The following ARID1A variants were observed in gnomAD, a reference collection of about 807,000 sequenced individuals.
The protein encoded by ARID1A is AT-rich interactive domain-containing protein 1A.
A neutral mutation model predicts 212.6 loss-of-function variants in ARID1A; 20 were observed. The observed-to-expected ratio is 0.09, with a 90% CI of 0.07 to 0.14. The LOEUF is 0.14. ARID1A is among the 10% of genes least tolerant of loss of function. The probability of loss-of-function intolerance (pLI) is 1.00; values close to 1 mark genes in which losing one functional copy is unlikely to be tolerated. For synonymous variants in ARID1A, 1,376 were observed against 1,222.1 expected, an observed-to-expected ratio of 1.13 and a Z score of -2.63; for missense variants, 2,587 against 3,059.0, an observed-to-expected ratio of 0.85 and a Z score of 3.64.
chr1:26,706,543 C>G (rs374254595), intron 1 of ARID1A, among the ~76,000 whole-genome samples: 1 of 152,198 alleles, frequency 6.6e-6, no homozygotes, highest in Non-Finnish European at 1.5e-5. Context: ...TGTTTACTCT[C>G]AACTGCCGTG....
At chr1:26,773,215 G>A (rs2081099603) in intron 14 of ARID1A, 131 bp from the exon 15 acceptor site, 1 of 1,374,074 alleles carries the variant, frequency 7.3e-7, no homozygotes, top group Non-Finnish European at 9.9e-7. Context: ...GGCCTCTTTA[G>A]ATCTCTGTTT....
intron 19 of ARID1A, among the ~76,000 whole-genome samples, chr1:26,776,981 A>T (rs2081142236): frequency 6.6e-6 from 1 of 152,196 alleles, no homozygotes; most frequent in South Asian, 2.1e-4. Context: ...CAATTTTCAT[A>T]TGCCAGGTAT....
At chr1:26,751,382 A>G (rs905255471) in intron 4 of ARID1A, among the ~76,000 whole-genome samples, 1 of 152,174 alleles carries the variant, frequency 6.6e-6, no homozygotes, top group Non-Finnish European at 1.5e-5. Flanking sequence ...CAAGTAGCTA[A>G]TCACGCAGCA....
At chr1:26,720,759 GA>G (rs2080556145) in intron 1 of ARID1A, among the ~76,000 whole-genome samples, 1 of 151,886 alleles carries the variant, frequency 6.6e-6, no homozygotes, top group African/African-American at 2.4e-5. Context: ...AGCTACTCAG[GA>G]GGCTGAGGTG....
chr1:26,697,378 C>A lies in ARID1A; in HGVS notation c.975C>A (p.Ala325=). The A allele has an allele frequency of 7.6e-7, 1 of 1,314,178 alleles. No individual in the cohort carries two copies. Among genetic ancestry groups the A allele is most frequent in the Non-Finnish European group, 9.6e-7 (1 of 1,038,622 alleles). 81.4% of individuals were successfully genotyped at this position (1,314,178 alleles called of 1,614,324 possible). A position where few individuals can be genotyped will look rare whatever the true frequency, so the allele number is the denominator to read the frequency against. Reference sequence around the variant, plus strand: ...GTGGCGGGCCCCAGGACGGGGGCGCCGGCAAGGGCCCGGCGGACATGGCCT... The same window carrying A: ...GTGGCGGGCCCCAGGACGGGGGCGCAGGCAAGGGCCCGGCGGACATGGCCT... ...DYSGGPQDGG[A]GKGPADMASQ... is the part of the protein sequence containing the mutation. Residue 325 remains alanine (A), a synonymous_variant, in exon 1 of 20, where the codon GCC becomes GCA. Transcript: ENST00000324856.
At chr1:26,704,557 G>A (rs553106355) in intron 1 of ARID1A, among the ~76,000 whole-genome samples, 1 of 152,252 alleles carries the variant, frequency 6.6e-6, no homozygotes, top group South Asian at 2.1e-4. Flanking sequence ...TCATAGAAAT[G>A]GCCTTTAATA....
intron 1 of ARID1A, among the ~76,000 whole-genome samples, chr1:26,700,636 A>G (rs938426241): frequency 1.3e-5 from 2 of 152,264 alleles, no homozygotes; most frequent in African/African-American, 4.8e-5. Context: ...TAAATAGTCC[A>G]GGAACAAGTT....
intron 1 of ARID1A, among the ~76,000 whole-genome samples, chr1:26,700,791 G>A (rs1050169410): frequency 2.0e-5 from 3 of 152,228 alleles, no homozygotes; most frequent in African/African-American, 7.2e-5. Flanking sequence ...TGAAATACAG[G>A]ACTCTTGGAG....
At chr1:26,716,963 C>CA (rs2080508627) in intron 1 of ARID1A, among the ~76,000 whole-genome samples, 1 of 152,130 alleles carries the variant, frequency 6.6e-6, no homozygotes, top group South Asian at 2.1e-4. Flanking sequence ...TATTGCAGGA[C>CA]ATTGGCATCT....
chr1:26,754,374 T>C (rs1476661220), intron 4 of ARID1A, among the ~76,000 whole-genome samples: 1 of 152,218 alleles, frequency 6.6e-6, no homozygotes, highest in East Asian at 1.9e-4. Context: ...AATAAAAATA[T>C]TTACTATGAC....
At chr1:26,733,495 T>G (rs530954503) in intron 4 of ARID1A, among the ~76,000 whole-genome samples, 1 of 152,250 alleles carries the variant, frequency 6.6e-6, no homozygotes, top group African/African-American at 2.4e-5. Flanking sequence ...CACTGCACAT[T>G]GTAGGCACTC....
intron 1 of ARID1A, 143 bp downstream of exon 1, chr1:26,697,683 CTT>C: frequency 1.2e-6 from 1 of 851,080 alleles, no homozygotes; most frequent in Non-Finnish European, 1.6e-6. Flanking sequence ...GCTCTTCTCT[CTT>C]AAAATGGCTG....
Position 26,731,141 on chromosome 1 carries a change from C to G in ARID1A, c.1351-11C>G, listed in dbSNP as rs1409717132. The G allele has an allele frequency of 1.2e-6, 2 of 1,611,088 alleles. No individual in the cohort carries two copies. The highest frequency in any genetic ancestry group is 1.7e-5 in the Admixed American group (1 of 59,970). On this transcript the variant is annotated splice_polypyrimidine_tract_variant and intron_variant, in intron 2 of 19. Transcript: ENST00000324856. ...GAGTCAGTGCTAAAAGTATATTTTC[C>G]TTTCCTACAGATTCCTCCTTATGGA... is the stretch of plus-strand genomic sequence containing the variant.
Position 26,778,788 on chromosome 1 carries a change from G to T in ARID1A, c.5125-235G>T, listed in dbSNP as rs1036886835. The T allele has an allele frequency of 9.1e-5, 36 of 396,824 alleles. No homozygotes were observed. The East Asian group carries it at 1.3e-3, about 15-fold the overall frequency. The allele number at this position is 396,824 out of a possible 1,614,324, so 24.6% of individuals were successfully genotyped here. On this transcript the variant is annotated intron_variant, in intron 19 of 19. Transcript: ENST00000324856. ...TGGTGGGTGAGGTGCAAAGCTGTTG[G>T]CTAGTGTTCCTGGAGATAGGCTTAC...
At chr1:26,732,937 G>A in intron 4 of ARID1A, 145 bp downstream of exon 4, 2 of 678,808 alleles carry the variant, frequency 2.9e-6, no homozygotes, top group East Asian at 2.7e-5. Flanking sequence ...AGGCTGACTT[G>A]TAGATGTCTG....
intron 1 of ARID1A, among the ~76,000 whole-genome samples, chr1:26,701,096 T>C (rs931196817): frequency 6.6e-6 from 1 of 152,204 alleles, no homozygotes; most frequent in South Asian, 2.1e-4. Flanking sequence ...CTCCTGTAGG[T>C]GTAATGTCTA....
At chr1:26,765,193 C>CA (rs979864888) in intron 8 of ARID1A, 7 of 143,888 alleles carry the variant, frequency 4.9e-5, no homozygotes, top group South Asian at 2.2e-4. Context: ...AACTCCATCT[C>CA]AAAAAAAAAT....
chr1:26,699,272 A>G (rs941655804), intron 1 of ARID1A, among the ~76,000 whole-genome samples: 18 of 152,132 alleles, frequency 1.2e-4, no homozygotes, highest in African/African-American at 4.3e-4. Context: ...ACACTATTCT[A>G]TCTTGTTTTA....
At chr1:26,755,825 C>G (rs891007725) in intron 4 of ARID1A, among the ~76,000 whole-genome samples, 1 of 151,274 alleles carries the variant, frequency 6.6e-6, no homozygotes, top group Non-Finnish European at 1.5e-5. Flanking sequence ...CTCACTGCAA[C>G]CTCCGCCTCC....
Sources: gnomAD v4.1 joint callset for allele counts (sites outside exome capture counted in the v4.1 genomes callset) on GRCh38, gnomAD v4.1.1 for gene constraint, MANE v1.5 for transcripts, NCBI Gene and HGNC (gene_info 2026-07-23, HGNC 2026-07-21) for gene names.